The following DLG2 variants were observed in gnomAD, a reference collection of about 807,000 sequenced individuals.
The protein encoded by DLG2 is disks large homolog 2.
In DLG2, 45 loss-of-function variants were observed where a neutral mutation model predicts 132.5. That is an observed-to-expected ratio of 0.34 (90% CI 0.27 to 0.44). The LOEUF (loss-of-function observed/expected upper bound fraction) is 0.44, where lower values mean the gene tolerates loss of function less well. Ranked by LOEUF, DLG2 falls within the 20% of genes least tolerant of loss-of-function variation. DLG2 has a pLI of 1.00. For missense variants in DLG2, 1,045 were observed against 1,196.9 expected (o/e 0.87, Z 1.87); for synonymous variants, 424 against 419.6 (o/e 1.01, Z -0.13).
intron 7 of DLG2, among the ~76,000 whole-genome samples, chr11:84,525,233 A>G (rs986929853): frequency 6.6e-6 from 1 of 152,102 alleles, no homozygotes; most frequent in African/African-American, 2.4e-5. Context: ...CTTTATTTCA[A>G]ACTGACTGTT....
intron 6 of DLG2, among the ~76,000 whole-genome samples, chr11:85,108,365 AATTT>A (rs1321786401): frequency 6.6e-5 from 10 of 152,060 alleles, no homozygotes; most frequent in Non-Finnish European, 1.2e-4. Context: ...AGTATGAATT[AATTT>A]ATTTATAACT....
At chr11:84,015,157 AGATT>A (rs1404721723) in intron 11 of DLG2, among the ~76,000 whole-genome samples, 2 of 152,204 alleles carry the variant, frequency 1.3e-5, no homozygotes, top group Non-Finnish European at 2.9e-5. Flanking sequence ...AATATTAATT[AGATT>A]GATTTTACAA....
intron 3 of DLG2, among the ~76,000 whole-genome samples, chr11:85,466,993 T>G (rs528113645): frequency 2.0e-5 from 3 of 152,314 alleles, no homozygotes; most frequent in African/African-American, 7.2e-5. Flanking sequence ...CCTTGAGCAG[T>G]GGTTTGTAGT....
Position 85,174,796 on chromosome 11 carries a change from C to A in DLG2, c.187-20145G>T, listed in dbSNP as rs77607089. 1.4e-4 allele frequency among the ~76,000 whole-genome samples: 22 copies of A among 152,116 alleles called. No individual in the cohort carries two copies. In the East Asian group the frequency reaches 3.5e-3, roughly 24 times the overall value. ...GATAAGGGGGATATCACCGCTGACCCCATAGAAATACAAACAACCAAGAGA... is the reference window on the plus strand; with the variant it reads ...GATAAGGGGGATATCACCGCTGACCACATAGAAATACAAACAACCAAGAGA... On this transcript the variant is annotated intron_variant, in intron 4 of 27. Coordinates refer to ENST00000376104, the MANE Select transcript of DLG2 (RefSeq NM_001142699.3).
chr11:83,666,093 C>T (rs2075479187), intron 18 of DLG2, among the ~76,000 whole-genome samples: 2 of 152,158 alleles, frequency 1.3e-5, no homozygotes, highest in Non-Finnish European at 2.9e-5. Flanking sequence ...AGATATATCT[C>T]ATTATTCAAT....
intron 6 of DLG2, among the ~76,000 whole-genome samples, chr11:84,954,637 C>T (rs6592225): frequency 0.26 from 40,139 of 152,048 alleles, 5,889 homozygotes; most frequent in East Asian, 0.61. Flanking sequence ...TCCCATCAGA[C>T]ATTGGTGTAG....
chr11:85,079,162 A>C (rs1486530636), intron 6 of DLG2, among the ~76,000 whole-genome samples: 1 of 152,056 alleles, frequency 6.6e-6, no homozygotes, highest in African/African-American at 2.4e-5. Context: ...TCTGATTGGC[A>C]ATTGTTTGAA....
intron 9 of DLG2, among the ~76,000 whole-genome samples, chr11:84,110,849 G>A (rs1279440141): frequency 6.6e-6 from 1 of 152,332 alleles, no homozygotes; most frequent in East Asian, 1.9e-4. Flanking sequence ...ACAATGTGAA[G>A]AGCAAACACA....
rs918544961 is a variant in DLG2, at chr11:84,548,531, G to C, written c.358-13800C>G. 2.0e-5 allele frequency among the ~76,000 whole-genome samples: 3 copies of C among 151,500 alleles called. No individual in the cohort carries two copies. In the East Asian group the frequency reaches 5.8e-4, roughly 30 times the overall value. On this transcript the variant is annotated intron_variant, in intron 6 of 27. Coordinates refer to ENST00000376104, the MANE Select transcript of DLG2 (RefSeq NM_001142699.3). ...CCACCTATGAGTAAGAACATGCGGT[G>C]TTTGGTTTTTTGTCCTTGCGATAGT...
At chr11:84,954,350 T>TA (rs11366441) in intron 6 of DLG2, among the ~76,000 whole-genome samples, 1,693 of 113,812 alleles carry the variant, frequency 0.015, 23 homozygotes, top group Middle Eastern at 0.032. Flanking sequence ...TCTTAAAGGA[T>TA]AAAAAAAAAA....
intron 7 of DLG2, among the ~76,000 whole-genome samples, chr11:84,408,743 C>T (rs2098876378): frequency 6.6e-6 from 1 of 152,124 alleles, no homozygotes. Context: ...TTGAGGGTCA[C>T]CCTGTAGGCC....
intron 6 of DLG2, among the ~76,000 whole-genome samples, chr11:84,548,596 A>C (rs1470217513): frequency 6.6e-6 from 1 of 152,180 alleles, no homozygotes; most frequent in Non-Finnish European, 1.5e-5. Flanking sequence ...CCATGTCCCT[A>C]CAAAGGACAT....
Position 84,703,412 on chromosome 11 carries a change from AGAT to A in DLG2, c.358-168684_358-168682del, listed in dbSNP as rs200934077. The stretch of plus-strand genomic sequence containing the variant: ...TTTGAACAAAGCCATAGGATAATGA[AGAT>A]GATGATTTCTACCAAGATAAGCAGT... On this transcript the variant is annotated intron_variant, in intron 6 of 27. Coordinates refer to ENST00000376104, the MANE Select transcript of DLG2 (RefSeq NM_001142699.3). 3.1e-3 allele frequency among the ~76,000 whole-genome samples: 471 copies of A among 151,660 alleles called. 5 individuals are homozygous for A. Among genetic ancestry groups the A allele is most frequent in the Admixed American group, 7.8e-3 (118 of 15,192 alleles).
At chr11:84,544,984 T>C (rs17807712) in intron 6 of DLG2, 31,005 of 359,194 alleles carry the variant, frequency 0.086, 1,559 homozygotes, top group African/African-American at 0.13. Context: ...TTTTTGTCCA[T>C]ACACATGAGT....
chr11:83,595,856 C>T (rs923208336), intron 19 of DLG2, among the ~76,000 whole-genome samples: 5 of 152,188 alleles, frequency 3.3e-5, no homozygotes, highest in Non-Finnish European at 7.3e-5. Flanking sequence ...GGCCCTTAAT[C>T]TCATAACTAT....
At chr11:83,748,093 G>A (rs1443099341) in intron 18 of DLG2, among the ~76,000 whole-genome samples, 1 of 152,156 alleles carries the variant, frequency 6.6e-6, no homozygotes, top group Non-Finnish European at 1.5e-5. Context: ...CATATAAAAT[G>A]CTGCTTTCCT....
At chr11:84,299,649 A>G (rs1599378403) in intron 7 of DLG2, among the ~76,000 whole-genome samples, 1 of 152,146 alleles carries the variant, frequency 6.6e-6, no homozygotes, top group Non-Finnish European at 1.5e-5. Flanking sequence ...AGTGGTAGGG[A>G]TCTTAAAGTC....
chr11:84,414,955 A>G (rs938487896), intron 7 of DLG2, among the ~76,000 whole-genome samples: 3 of 152,292 alleles, frequency 2.0e-5, no homozygotes, highest in African/African-American at 2.4e-5. Flanking sequence ...GTATGGGTGG[A>G]ATTAATTGTC....
intron 7 of DLG2, among the ~76,000 whole-genome samples, chr11:84,304,522 T>C (rs1442772260): frequency 6.6e-6 from 1 of 152,192 alleles, no homozygotes; most frequent in African/African-American, 2.4e-5. Flanking sequence ...GTCAGCAAAC[T>C]TGTTTCTTTA....
Sources: gnomAD v4.1 joint callset for allele counts (sites outside exome capture counted in the v4.1 genomes callset) on GRCh38, gnomAD v4.1.1 for gene constraint, MANE v1.5 for transcripts, NCBI Gene and HGNC (gene_info 2026-07-23, HGNC 2026-07-21) for gene names.